NEDD4L: variants seen among roughly 807,000 people sequenced by gnomAD.
NEDD4L encodes the protein E3 ubiquitin-protein ligase NEDD4-like.
Under a neutral mutation model 148.9 loss-of-function variants are expected in NEDD4L, and 54 were observed. The ratio of observed to expected loss-of-function variants is 0.36; its 90% CI spans 0.29 to 0.45. The LOEUF (loss-of-function observed/expected upper bound fraction) is 0.45. Ranked by LOEUF, NEDD4L falls within the 20% of genes least tolerant of loss-of-function variation. The probability of loss-of-function intolerance (pLI) is 1.00; values close to 1 mark genes in which losing one functional copy is unlikely to be tolerated. For synonymous variants in NEDD4L, 433 were observed against 440.7 expected, an observed-to-expected ratio of 0.98 and a Z score of 0.22; for missense variants, 856 against 1,233.8, an observed-to-expected ratio of 0.69 and a Z score of 4.59.
rs2050546933 is a variant in NEDD4L, at chr18:58,397,144, T to C, written c.*875T>C. 1 of 152,630 alleles carries C rather than the reference T, an allele frequency of 6.6e-6. No homozygotes were observed. Among genetic ancestry groups the C allele is most frequent in the South Asian group, 2.1e-4 (1 of 4,834 alleles). The allele number at this position is 152,630 out of a possible 1,614,324, so 9.5% of individuals were successfully genotyped here. ...AACCCTTCCTGGCGCTGTACAGTCA[T>C]CTTTTATTCTATTTCCTCTTTGCTG... is the stretch of plus-strand genomic sequence containing the variant. On this transcript the variant is annotated 3_prime_UTR_variant, in exon 31 of 31. Coordinates refer to ENST00000400345, the MANE Select transcript of NEDD4L (RefSeq NM_001144967.3).
At chr18:58,116,503 C>A (rs1458999478) in intron 1 of NEDD4L, among the ~76,000 whole-genome samples, 1 of 152,160 alleles carries the variant, frequency 6.6e-6, no homozygotes, top group East Asian at 1.9e-4. Flanking sequence ...CCTTCAGGTG[C>A]ATCTAATGCA....
At chr18:58,332,106 A>G (rs550896681) in intron 11 of NEDD4L, among the ~76,000 whole-genome samples, 11 of 152,364 alleles carry the variant, frequency 7.2e-5, no homozygotes, top group Admixed American at 6.5e-4. Flanking sequence ...GCAAGGAGGT[A>G]CCACAGAATC....
At chr18:58,371,043 TTA>T (rs1205985735) in intron 23 of NEDD4L, among the ~76,000 whole-genome samples, 2 of 151,960 alleles carry the variant, frequency 1.3e-5, no homozygotes, top group African/African-American at 2.4e-5. Flanking sequence ...TATTTTTTTT[TTA>T]TTTTTTTTAT....
At chr18:58,090,641 C>G (rs2084023697) in intron 1 of NEDD4L, 1 of 152,170 alleles carries the variant, frequency 6.6e-6, no homozygotes, top group Non-Finnish European at 1.5e-5. Flanking sequence ...CCACGCCTGG[C>G]TAATTTTTGT....
In NEDD4L at chr18:58,277,866, A is replaced by G. The variant is rs1489218755; in HGVS notation, c.297+25812A>G. 2.6e-5 allele frequency among the ~76,000 whole-genome samples: 4 copies of G among 152,228 alleles called. No individual in the cohort carries two copies. The Middle Eastern group carries it at 0.01, about 388-fold the overall frequency. ...TTTTTAACTACTTCTCCATTGTTGTAATATCATAACAGGTTGGACTGGCTA... is the reference window on the plus strand; with the variant it reads ...TTTTTAACTACTTCTCCATTGTTGTGATATCATAACAGGTTGGACTGGCTA... On this transcript the variant is annotated intron_variant, in intron 5 of 30. Coordinates refer to ENST00000400345, the MANE Select transcript of NEDD4L (RefSeq NM_001144967.3).
At chr18:58,247,703 G>C (rs1315282066) in intron 3 of NEDD4L, 1 of 152,384 alleles carries the variant, frequency 6.6e-6, no homozygotes, top group Non-Finnish European at 1.5e-5. Context: ...CTGGTTCTTC[G>C]TTCGTTTTGT....
intron 1 of NEDD4L, among the ~76,000 whole-genome samples, chr18:58,162,528 G>C (rs775298590): frequency 6.6e-6 from 1 of 151,316 alleles, no homozygotes; most frequent in Non-Finnish European, 1.5e-5. Context: ...CCTCTACTCA[G>C]TTGCTTTATT....
intron 16 of NEDD4L, among the ~76,000 whole-genome samples, chr18:58,345,571 A>G (rs1392263557): frequency 6.6e-6 from 1 of 152,198 alleles, no homozygotes; most frequent in Non-Finnish European, 1.5e-5. Context: ...GTTGATTCTT[A>G]CACCAACCAG....
intron 1 of NEDD4L, among the ~76,000 whole-genome samples, chr18:58,129,605 T>C (rs748107546): frequency 2.6e-5 from 4 of 152,260 alleles, no homozygotes; most frequent in Non-Finnish European, 4.4e-5. Context: ...CATTAAGCTG[T>C]GTGTTCTTAA....
chr18:58,055,586 T>C (rs1162022908), intron 1 of NEDD4L, among the ~76,000 whole-genome samples: 1 of 152,226 alleles, frequency 6.6e-6, no homozygotes, highest in African/African-American at 2.4e-5. Flanking sequence ...GGGTCTGCCT[T>C]GTGTTTTGTG....
intron 1 of NEDD4L, among the ~76,000 whole-genome samples, chr18:58,084,185 A>G (rs138403021): frequency 1.1e-4 from 16 of 152,368 alleles, no homozygotes; most frequent in Middle Eastern, 3.4e-3. Context: ...GTGTGATTAT[A>G]TGGAATGTTT....
chr18:58,382,240 C>A (rs2048441178), intron 24 of NEDD4L, among the ~76,000 whole-genome samples: 1 of 152,222 alleles, frequency 6.6e-6, no homozygotes, highest in African/African-American at 2.4e-5. Context: ...GGCTCAGGAT[C>A]TCCTGGGTGC....
intron 4 of NEDD4L, among the ~76,000 whole-genome samples, chr18:58,251,673 C>T (rs909177245): frequency 3.9e-5 from 6 of 152,298 alleles, no homozygotes; most frequent in African/African-American, 1.2e-4. Flanking sequence ...CAGGCATAGA[C>T]ATTTTTTGAT....
At chr18:58,060,292 TGGGC>T (rs2082273342) in intron 1 of NEDD4L, among the ~76,000 whole-genome samples, 1 of 152,230 alleles carries the variant, frequency 6.6e-6, no homozygotes, top group African/African-American at 2.4e-5. Context: ...TGTTGAGATC[TGGGC>T]TTTTCTTATT....
intron 5 of NEDD4L, among the ~76,000 whole-genome samples, chr18:58,288,861 C>T (rs533514348): frequency 1.5e-4 from 23 of 152,268 alleles, no homozygotes; most frequent in African/African-American, 5.1e-4. Flanking sequence ...GTAAATATCA[C>T]GACAAGGTAT....
chr18:58,086,780 T>G (rs1180658863), intron 1 of NEDD4L, among the ~76,000 whole-genome samples: 1 of 152,264 alleles, frequency 6.6e-6, no homozygotes, highest in Non-Finnish European at 1.5e-5. Context: ...TATCTAATGT[T>G]GTGTAACAAA....
intron 12 of NEDD4L, 159 bp downstream of exon 12, chr18:58,334,051 C>T (rs927875106): frequency 2.4e-5 from 12 of 496,726 alleles, no homozygotes; most frequent in Non-Finnish European, 4.3e-5. Context: ...AAGTGGATTT[C>T]CAATACAGAG....
intron 13 of NEDD4L, among the ~76,000 whole-genome samples, chr18:58,339,065 C>T (rs1256432499): frequency 2.6e-5 from 4 of 151,906 alleles, no homozygotes; most frequent in Non-Finnish European, 5.9e-5. Context: ...GCAAAAATAT[C>T]CTTAAGGTTT....
At chr18:58,253,411 A>G (rs753645658) in intron 5 of NEDD4L, among the ~76,000 whole-genome samples, 1 of 152,234 alleles carries the variant, frequency 6.6e-6, no homozygotes, top group African/African-American at 2.4e-5. Context: ...CTTTTCCATT[A>G]AAGTATGGGA....
Sources: allele counts gnomAD v4.1 joint callset (sites outside exome capture counted in the v4.1 genomes callset), GRCh38; gene constraint gnomAD v4.1.1; transcripts MANE v1.5; gene names NCBI Gene and HGNC (gene_info 2026-07-23, HGNC 2026-07-21).